Variants in NUFIP2 observed in about 807,000 individuals in gnomAD.
The protein encoded by NUFIP2 is FMR1-interacting protein NUFIP2.
Under a neutral mutation model 56.9 loss-of-function variants are expected in NUFIP2, and 6 were observed. The ratio of observed to expected loss-of-function variants is 0.11; its 90% confidence interval spans 0.06 to 0.21. NUFIP2 has a LOEUF of 0.21. NUFIP2 is among the 10% of genes least tolerant of loss of function. The probability of loss-of-function intolerance (pLI) is 1.00; values close to 1 mark genes in which losing one functional copy is unlikely to be tolerated. For missense variants in NUFIP2, 828 were observed against 826.8 expected (o/e 1.00, Z -0.02); for synonymous variants, 321 against 298.2 (o/e 1.08, Z -0.79).
intron 2 of NUFIP2, among the ~76,000 whole-genome samples, chr17:29,278,325 C>A (rs904029273): frequency 1.3e-5 from 2 of 151,992 alleles, no homozygotes; most frequent in East Asian, 3.9e-4. Context: ...CGGCTCACTG[C>A]AAGCTCCACC....
chr17:29,278,252 A>AT (rs1265521741), intron 2 of NUFIP2, among the ~76,000 whole-genome samples: 4 of 147,090 alleles, frequency 2.7e-5, no homozygotes, highest in Non-Finnish European at 5.9e-5. Flanking sequence ...GTACTTTATT[A>AT]TTATTTTTTT....
Position 29,286,622 on chromosome 17 carries a change from T to C in NUFIP2, c.1372A>G (p.Ser458Gly), listed in dbSNP as rs1441431531. ...TGTTCAACAGCTGCTGAAGTTAGAC[T>C]CATGTCCTGGAGAACTGAATCTGTC... ...SGTDSVLQDM[S>G]LTSAAVEQIK... Residue 458 changes from serine to glycine, a missense_variant, in exon 2 of 4, where the codon AGT becomes GGT. Physicochemically the swap from Ser to Gly is moderately conservative, Grantham distance 56. Transcript: ENST00000225388. 6.2e-7 allele frequency: 1 copy of C among 1,614,074 alleles called. No homozygotes were observed. Among genetic ancestry groups the C allele is most frequent in the African/African-American group, 1.3e-5 (1 of 74,934 alleles).
intron 2 of NUFIP2, among the ~76,000 whole-genome samples, chr17:29,267,955 G>A (rs1598429934): frequency 6.6e-6 from 1 of 152,088 alleles, no homozygotes; most frequent in Non-Finnish European, 1.5e-5. Context: ...CTGGAGTGCA[G>A]TGGCCTGATC....
At chr17:29,281,995 C>A (rs977564433) in intron 2 of NUFIP2, among the ~76,000 whole-genome samples, 2 of 151,778 alleles carry the variant, frequency 1.3e-5, no homozygotes, top group Non-Finnish European at 2.9e-5. Flanking sequence ...ATCTCCTGAC[C>A]TCGTGATCCA....
At chr17:29,265,492 C>T (rs1275692724) in intron 3 of NUFIP2, among the ~76,000 whole-genome samples, 5 of 147,192 alleles carry the variant, frequency 3.4e-5, no homozygotes, top group East Asian at 2.0e-4. Flanking sequence ...TTAGTAGACA[C>T]GGGGTTTCAC....
In NUFIP2 at chr17:29,287,266, T is replaced by C. The variant is rs368332946; in HGVS notation, c.728A>G (p.Lys243Arg). ...GACACTGGTCTCTTGTTGCATTATT[T>C]TGTCCTGCACTATATTAAGGTTTTC... ...GCENLNIVQD[K>R]IMQQETSVPT... The change falls in exon 2 of 4, where the codon AAA (lysine) becomes AGA (arginine). Residue 243 changes from lysine (K) to arginine (R), a missense_variant. Lys to Arg is a conservative substitution (Grantham distance 26, BLOSUM62 2). Coordinates refer to ENST00000225388, the MANE Select transcript of NUFIP2 (RefSeq NM_020772.3). 25 of 1,614,114 alleles carry C rather than the reference T, an allele frequency of 1.5e-5. No individual in the cohort carries two copies. In the African/African-American group the frequency reaches 1.6e-4, roughly 10 times the overall value.
At chr17:29,284,382 A>G (rs1245106101) in intron 2 of NUFIP2, among the ~76,000 whole-genome samples, 2 of 152,170 alleles carry the variant, frequency 1.3e-5, no homozygotes, top group African/African-American at 2.4e-5. Context: ...ATTTTTCTTT[A>G]AGACACAAAC....
In NUFIP2 at chr17:29,265,309, T is replaced by A. The variant is rs559922989; in HGVS notation, c.2036-718A>T. On this transcript the variant is annotated intron_variant, in intron 3 of 3. Coordinates refer to ENST00000225388, the MANE Select transcript of NUFIP2 (RefSeq NM_020772.3). ...TTTATTTTTTTATTTTATTTTATTT[T>A]TTTTTTTTTTTGAGACGGAGTCTCG... Among the ~76,000 whole-genome samples the A allele has an allele frequency of 4.2e-3, 617 of 146,860 alleles. 2 individuals carry two copies. Among genetic ancestry groups the A allele is most frequent in the South Asian group, 0.019 (88 of 4,734 alleles).
At position 29,286,507 on chromosome 17, in the gene NUFIP2, T is replaced by G; in HGVS notation, c.1487A>C (p.Gln496Pro). The G allele has an allele frequency of 6.2e-7, 1 of 1,614,230 alleles. No homozygotes were observed. Among genetic ancestry groups the G allele is most frequent in the Non-Finnish European group, 8.5e-7 (1 of 1,180,044 alleles). Residue 496 changes from glutamine (Q) to proline (P), a missense_variant, in exon 2 of 4, where the codon CAG becomes CCG. Around this residue, in one of 3 missense-constraint regions of NUFIP2, gnomAD observed 404 missense variants for 380.3 expected, o/e 1.06. Transcript: ENST00000225388. Reference sequence around the variant, plus strand: ...CTGGAAGATATCCCCCAGGTTTTGCTGATCTGTCTGAGAGGGCAGATCCAC... The same window carrying G: ...CTGGAAGATATCCCCCAGGTTTTGCGGATCTGTCTGAGAGGGCAGATCCAC... ...AQVDLPSQTD[Q>P]QNLGDIFQNQ...
Position 29,264,375 on chromosome 17 carries a change from CTA to C in NUFIP2, c.*162_*163del, listed in dbSNP as rs373146104. On this transcript the variant is annotated 3_prime_UTR_variant, in exon 4 of 4. Transcript: ENST00000225388. ...ACTTTCAGTTGCCTTTTTTAAATAA[CTA>C]TATATATATATATGTATATATATAT... is the stretch of plus-strand genomic sequence containing the variant. The C allele has an allele frequency of 5.9e-3, 1,217 of 205,502 alleles. 1 individual carries two copies. The highest frequency in any genetic ancestry group is 8.0e-3 in the East Asian group (69 of 8,640). 12.7% of individuals were successfully genotyped at this position (205,502 alleles called of 1,614,324 possible).
chr17:29,275,156 G>C (rs112083147), intron 2 of NUFIP2, among the ~76,000 whole-genome samples: 7 of 152,090 alleles, frequency 4.6e-5, no homozygotes, highest in African/African-American at 1.4e-4. Flanking sequence ...AAGCAGCTGG[G>C]ATTATAGGCA....
rs1688175681 is a variant in NUFIP2, at chr17:29,263,360, A to G, written c.*1179T>C. The G allele has an allele frequency of 6.6e-6, 1 of 152,590 alleles. No homozygotes were observed. Among genetic ancestry groups the G allele is most frequent in the Non-Finnish European group, 1.5e-5 (1 of 68,020 alleles). The allele number at this position is 152,590 out of a possible 1,614,324, so 9.5% of individuals were successfully genotyped here. On this transcript the variant is annotated 3_prime_UTR_variant, in exon 4 of 4. Coordinates refer to ENST00000225388, the MANE Select transcript of NUFIP2 (RefSeq NM_020772.3). ...AAAACCCATCTTGCTCTAGTAATAA[A>G]ATATATTTATTAAGATATAATTAGA...
chr17:29,278,612 CTTGGAATGAAACTGCTACTACTATGATAG>C (rs1394976375), intron 2 of NUFIP2, among the ~76,000 whole-genome samples: 16 of 30,504 alleles, frequency 5.2e-4, no homozygotes, highest in Non-Finnish European at 8.8e-4. Context: ...ATAGTAATAG[CTTGGAATGAAACTGCTACTACTATGATAG>C]TAATAAACAA....
intron 2 of NUFIP2, among the ~76,000 whole-genome samples, chr17:29,276,939 GA>G (rs1567678596): frequency 6.6e-6 from 1 of 152,098 alleles, no homozygotes; most frequent in African/African-American, 2.4e-5. Context: ...ATCCCTCAAG[GA>G]AAAAGACTGA....
chr17:29,267,102 C>G (rs2069041894), intron 3 of NUFIP2, among the ~76,000 whole-genome samples: 1 of 151,980 alleles, frequency 6.6e-6, no homozygotes, highest in Admixed American at 6.6e-5. Context: ...CAGGGTCTCA[C>G]CATGTTGGCC....
intron 2 of NUFIP2, among the ~76,000 whole-genome samples, chr17:29,278,845 C>T (rs2069123982): frequency 6.6e-6 from 1 of 152,124 alleles, no homozygotes; most frequent in East Asian, 1.9e-4. Flanking sequence ...AAGCAGACAT[C>T]ATGAAACATC....
In NUFIP2 at chr17:29,258,094, G is replaced by A. The variant is rs2068980793; in HGVS notation, c.*6445C>T. The A allele has an allele frequency of 6.6e-6, 1 of 151,774 alleles. No individual in the cohort carries two copies. Among genetic ancestry groups the A allele is most frequent in the Non-Finnish European group, 1.5e-5 (1 of 67,948 alleles). The allele number at this position is 151,774 out of a possible 1,614,324, so 9.4% of individuals were successfully genotyped here. ...TTTTTTTTTTTAATATACATGCAAG[G>A]CACATTGATATAAAAATAGATCTCT... On this transcript the variant is annotated 3_prime_UTR_variant, in exon 4 of 4. Coordinates refer to ENST00000225388, the MANE Select transcript of NUFIP2 (RefSeq NM_020772.3).
intron 2 of NUFIP2, among the ~76,000 whole-genome samples, chr17:29,268,940 A>G (rs1186098817): frequency 6.6e-6 from 1 of 152,200 alleles, no homozygotes; most frequent in East Asian, 1.9e-4. Flanking sequence ...CAATGTGCTT[A>G]GTTTGGCATC....
intron 1 of NUFIP2, among the ~76,000 whole-genome samples, chr17:29,292,436 C>T (rs2069220536): frequency 6.7e-6 from 1 of 148,266 alleles, no homozygotes. Flanking sequence ...AGAAAATGAG[C>T]TGCTAGAAGG....
Sources: gnomAD v4.1 joint callset for allele counts (sites outside exome capture counted in the v4.1 genomes callset) on GRCh38, gnomAD v4.1.1 for gene constraint, gnomAD v4.1.1 regional missense constraint, MANE v1.5 for transcripts, NCBI Gene and HGNC (gene_info 2026-07-23, HGNC 2026-07-21) for gene names.